EXOC4: variants seen among roughly 807,000 people sequenced by gnomAD.
The protein encoded by EXOC4 is SEC8-like 1.
In EXOC4, 71 loss-of-function variants were observed where a neutral mutation model predicts 107.2. The ratio of observed to expected loss-of-function variants is 0.66; its 90% CI spans 0.55 to 0.81. The LOEUF is 0.81. EXOC4 is among the 30% of genes least tolerant of loss of function. The probability of loss-of-function intolerance (pLI) is 0.00; values close to 1 mark genes in which losing one functional copy is unlikely to be tolerated. For missense variants in EXOC4, 1,108 were observed against 1,189.6 expected (o/e 0.93, Z 1.01); for synonymous variants, 456 against 441.2 (o/e 1.03, Z -0.42).
At chr7:133,697,137 A>T (rs1237058552) in intron 10 of EXOC4, among the ~76,000 whole-genome samples, 1 of 152,168 alleles carries the variant, frequency 6.6e-6, no homozygotes, top group African/African-American at 2.4e-5. Flanking sequence ...TGTTTGTTTT[A>T]AAAAAGCTCT....
intron 7 of EXOC4, among the ~76,000 whole-genome samples, chr7:133,392,465 C>T (rs1307572617): frequency 6.6e-6 from 1 of 152,022 alleles, no homozygotes; most frequent in African/African-American, 2.4e-5. Context: ...ATAAAATGGG[C>T]CCATGTGTAT....
At chr7:133,626,992 A>T (rs142236169) in intron 9 of EXOC4, among the ~76,000 whole-genome samples, 3 of 152,208 alleles carry the variant, frequency 2.0e-5, no homozygotes, top group African/African-American at 7.2e-5. Context: ...TCTAATTGCT[A>T]TAACATTTTA....
chr7:133,388,115 G>A lies in EXOC4; in HGVS notation c.1182+13113G>A, dbSNP rs186328869. On this transcript the variant is annotated intron_variant, in intron 7 of 17. Coordinates refer to ENST00000253861, the MANE Select transcript of EXOC4 (RefSeq NM_021807.4). ...AGCCACGGGCTGCGATTATATTTTT[G>A]TTTTGTTTTTACTATGGAAAATTTC... Among the ~76,000 whole-genome samples the A allele has an allele frequency of 3.9e-3, 593 of 152,088 alleles. 1 individual carries two copies. Among genetic ancestry groups the A allele is most frequent in the African/African-American group, 0.014 (581 of 41,466 alleles).
At chr7:133,857,146 ACG>A (rs1491211553) in intron 11 of EXOC4, among the ~76,000 whole-genome samples, 17 of 35,064 alleles carry the variant, frequency 4.8e-4, no homozygotes, top group East Asian at 1.7e-3. Context: ...ATACACATAC[ACG>A]TATATATATA....
intron 11 of EXOC4, among the ~76,000 whole-genome samples, chr7:133,846,491 C>G (rs149173495): frequency 7.3e-4 from 111 of 152,258 alleles, no homozygotes; most frequent in African/African-American, 2.6e-3. Flanking sequence ...AGTGTTCCTA[C>G]GGGTTTAGGG....
At chr7:133,486,775 A>T (rs1227281562) in intron 9 of EXOC4, among the ~76,000 whole-genome samples, 1 of 151,992 alleles carries the variant, frequency 6.6e-6, no homozygotes. Context: ...GCTTTTTTTT[A>T]AAAGAATGAC....
chr7:134,091,855 G>A, the EXOC4 span, among the ~76,000 whole-genome samples: 8 of 152,064 alleles, frequency 5.3e-5, no homozygotes, highest in Non-Finnish European at 8.8e-5. Flanking sequence ...GTGTACCCCT[G>A]TGTTTAAACC....
At chr7:133,869,525 T>G (rs1798708866) in intron 11 of EXOC4, among the ~76,000 whole-genome samples, 1 of 152,186 alleles carries the variant, frequency 6.6e-6, no homozygotes, top group Non-Finnish European at 1.5e-5. Flanking sequence ...GCCCTTTCTA[T>G]CCACACATCT....
At chr7:133,634,569 A>G (rs1431108856) in intron 10 of EXOC4, among the ~76,000 whole-genome samples, 3 of 152,074 alleles carry the variant, frequency 2.0e-5, no homozygotes, top group African/African-American at 7.3e-5. Flanking sequence ...GGCTCACTGC[A>G]AACTCTGCCT....
intron 2 of EXOC4, among the ~76,000 whole-genome samples, chr7:133,287,106 A>C (rs1188037953): frequency 6.6e-6 from 1 of 152,100 alleles, no homozygotes; most frequent in Admixed American, 6.5e-5. Context: ...CCTACTGTCC[A>C]TCTTCTTGCT....
chr7:133,269,017 A>G (rs902892062), intron 1 of EXOC4, among the ~76,000 whole-genome samples: 6 of 152,178 alleles, frequency 3.9e-5, no homozygotes, highest in Non-Finnish European at 7.3e-5. Context: ...AGTCATAATC[A>G]TTTTGAGAAT....
intron 11 of EXOC4, among the ~76,000 whole-genome samples, chr7:133,837,520 A>G (rs1475825576): frequency 6.6e-6 from 1 of 152,230 alleles, no homozygotes; most frequent in Non-Finnish European, 1.5e-5. Context: ...TCTTTGACAA[A>G]TGATTCCTTT....
chr7:133,686,513 C>T (rs938290570), intron 10 of EXOC4, among the ~76,000 whole-genome samples: 48 of 152,220 alleles, frequency 3.2e-4, no homozygotes, highest in African/African-American at 1.1e-3. Flanking sequence ...CAGGAATGGA[C>T]TTTCAGGCCT....
At chr7:133,649,418 G>A (rs1304074583) in intron 10 of EXOC4, among the ~76,000 whole-genome samples, 4 of 148,088 alleles carry the variant, frequency 2.7e-5, no homozygotes, top group Non-Finnish European at 5.9e-5. Context: ...GGCTGGCTCT[G>A]TAACATATTC....
At chr7:133,899,437 G>C in intron 12 of EXOC4, among the ~76,000 whole-genome samples, 1 of 152,324 alleles carries the variant, frequency 6.6e-6, no homozygotes, top group South Asian at 2.1e-4. Context: ...ACTGATCATT[G>C]TTGAATAGTT....
At chr7:133,732,945 AC>A (rs1795359473) in intron 10 of EXOC4, 1 of 159,490 alleles carries the variant, frequency 6.3e-6, no homozygotes, top group Non-Finnish European at 1.4e-5. Flanking sequence ...CATTTTTTTG[AC>A]CATGGAACAT....
At chr7:133,565,935 G>A (rs1800897807) in intron 9 of EXOC4, among the ~76,000 whole-genome samples, 1 of 152,118 alleles carries the variant, frequency 6.6e-6, no homozygotes, top group African/African-American at 2.4e-5. Flanking sequence ...AGCAGAAGGT[G>A]TCACATTCCC....
intron 11 of EXOC4, among the ~76,000 whole-genome samples, chr7:133,885,312 CAAA>C (rs1325296000): frequency 6.7e-5 from 6 of 90,112 alleles, no homozygotes; most frequent in Admixed American, 1.1e-4. Context: ...GACCCCGTCT[CAAA>C]AAAAAAAAAA....
At chr7:133,482,122 A>G (rs918855105) in intron 9 of EXOC4, among the ~76,000 whole-genome samples, 21 of 152,194 alleles carry the variant, frequency 1.4e-4, no homozygotes, top group African/African-American at 4.3e-4. Flanking sequence ...AATTTATTTG[A>G]TGGTGACAAA....
Sources: gnomAD v4.1 joint callset for allele counts (sites outside exome capture counted in the v4.1 genomes callset) on GRCh38, gnomAD v4.1.1 for gene constraint, MANE v1.5 for transcripts, NCBI Gene and HGNC (gene_info 2026-07-23, HGNC 2026-07-21) for gene names.